Variants in GABRG3 observed in about 807,000 individuals in gnomAD.
GABRG3 encodes the protein gamma-aminobutyric acid receptor subunit gamma-3.
In GABRG3, 25 loss-of-function variants were observed where a neutral mutation model predicts 48.8. The observed-to-expected ratio is 0.51, with a 90% CI of 0.37 to 0.72. The LOEUF (loss-of-function observed/expected upper bound fraction) is 0.72, where lower values mean the gene tolerates loss of function less well. GABRG3 is among the 30% of genes least tolerant of loss of function. The pLI is 0.00. For synonymous variants in GABRG3, 227 were observed against 217.6 expected, an observed-to-expected ratio of 1.04 and a Z score of -0.38; for missense variants, 394 against 577.9, an observed-to-expected ratio of 0.68 and a Z score of 3.26.
At chr15:27,389,068 T>C (rs1254973030) in intron 5 of GABRG3, among the ~76,000 whole-genome samples, 1 of 152,056 alleles carries the variant, frequency 6.6e-6, no homozygotes, top group Non-Finnish European at 1.5e-5. Flanking sequence ...GTCCCACAAA[T>C]CGATACCAAC....
At chr15:27,007,677 G>A (rs1324275247) in intron 2 of GABRG3, among the ~76,000 whole-genome samples, 1 of 152,098 alleles carries the variant, frequency 6.6e-6, no homozygotes, top group East Asian at 1.9e-4. Flanking sequence ...GTGATGTTGA[G>A]CATTTTTTCA....
intron 3 of GABRG3, among the ~76,000 whole-genome samples, chr15:27,090,828 T>C (rs142764121): frequency 2.0e-5 from 3 of 152,196 alleles, no homozygotes; most frequent in Admixed American, 6.5e-5. Flanking sequence ...GCATATGAAA[T>C]TGGTGCAACT....
intron 5 of GABRG3, among the ~76,000 whole-genome samples, chr15:27,335,489 A>G (rs1446506684): frequency 6.6e-6 from 1 of 152,204 alleles, no homozygotes; most frequent in African/African-American, 2.4e-5. Flanking sequence ...TTCCCTAATG[A>G]CTAAGGATGT....
chr15:27,391,100 G>T (rs1303172199), intron 5 of GABRG3, among the ~76,000 whole-genome samples: 1 of 150,624 alleles, frequency 6.6e-6, no homozygotes, highest in East Asian at 1.9e-4. Context: ...AAAAAAAAAA[G>T]ACACAATCCC....
chr15:27,326,705 T>C (rs1595679281), intron 3 of GABRG3, 104 bp from the exon 4 acceptor site: 1 of 855,554 alleles, frequency 1.2e-6, no homozygotes. Context: ...ATTGGGGAGG[T>C]GAGGATGTCA....
chr15:27,508,522 C>G (rs1405873365), intron 6 of GABRG3, among the ~76,000 whole-genome samples: 1 of 152,016 alleles, frequency 6.6e-6, no homozygotes, highest in Non-Finnish European at 1.5e-5. Context: ...CTTTTAAAGT[C>G]AATATTATCA....
intron 3 of GABRG3, among the ~76,000 whole-genome samples, chr15:27,241,414 T>TA (rs1890124033): frequency 6.6e-6 from 1 of 152,230 alleles, no homozygotes; most frequent in Non-Finnish European, 1.5e-5. Flanking sequence ...GTAAAGGACT[T>TA]ACAGCAGCAA....
intron 3 of GABRG3, among the ~76,000 whole-genome samples, chr15:27,077,329 T>G (rs1896926242): frequency 6.6e-6 from 1 of 152,134 alleles, no homozygotes; most frequent in African/African-American, 2.4e-5. Flanking sequence ...AGATGACAAT[T>G]AGGATTACCA....
chr15:26,971,412 C>T lies in GABRG3; in HGVS notation c.-124C>T. On this transcript the variant is annotated 5_prime_UTR_variant, in exon 1 of 10. Transcript: ENST00000615808. ...AGCGCCAGAGTAGATACCTGTCCCG[C>T]CCGCCGCGGCCAGCAGCCTCGGAGG... The T allele has an allele frequency of 1.3e-6, 1 of 742,396 alleles. No homozygotes were observed. Among genetic ancestry groups the T allele is most frequent in the Non-Finnish European group, 1.9e-6 (1 of 515,986 alleles). 46.0% of individuals were successfully genotyped at this position (742,396 alleles called of 1,614,324 possible).
At chr15:27,461,081 A>G (rs539905950) in intron 5 of GABRG3, among the ~76,000 whole-genome samples, 2 of 152,222 alleles carry the variant, frequency 1.3e-5, no homozygotes, top group South Asian at 4.1e-4. Context: ...GTTTTTGCTA[A>G]GATGAACTCA....
intron 3 of GABRG3, among the ~76,000 whole-genome samples, chr15:27,079,354 A>G (rs1306505317): frequency 6.6e-6 from 1 of 152,236 alleles, no homozygotes; most frequent in Non-Finnish European, 1.5e-5. Flanking sequence ...TGGAAGTCAG[A>G]ATACTTTTAA....
intron 3 of GABRG3, among the ~76,000 whole-genome samples, chr15:27,235,623 T>G (rs138156371): frequency 6.6e-6 from 1 of 152,304 alleles, no homozygotes; most frequent in Non-Finnish European, 1.5e-5. Flanking sequence ...TGGGACTGCC[T>G]GTAACCAAAG....
intron 3 of GABRG3, chr15:27,208,751 A>G (rs1254852201): frequency 6.6e-6 from 1 of 152,406 alleles, no homozygotes; most frequent in Non-Finnish European, 1.5e-5. Flanking sequence ...TGCCTGGTAC[A>G]TCATAGGAGA....
intron 3 of GABRG3, among the ~76,000 whole-genome samples, chr15:27,093,561 C>T (rs1414602495): frequency 6.6e-6 from 1 of 152,104 alleles, no homozygotes; most frequent in Non-Finnish European, 1.5e-5. Context: ...AATGTTGATC[C>T]TTCTATTGGA....
intron 3 of GABRG3, among the ~76,000 whole-genome samples, chr15:27,087,297 G>C (rs1259519223): frequency 6.6e-6 from 1 of 152,224 alleles, no homozygotes; most frequent in Non-Finnish European, 1.5e-5. Context: ...AGGGGCCTGA[G>C]TGGAATCCCG....
At chr15:27,356,982 A>G (rs1894862759) in intron 5 of GABRG3, among the ~76,000 whole-genome samples, 1 of 152,070 alleles carries the variant, frequency 6.6e-6, no homozygotes, top group Non-Finnish European at 1.5e-5. Context: ...AATCCTTTCA[A>G]CCTTTTTTGT....
At chr15:27,134,223 A>C (rs1182566984) in intron 3 of GABRG3, among the ~76,000 whole-genome samples, 1 of 152,192 alleles carries the variant, frequency 6.6e-6, no homozygotes, top group Non-Finnish European at 1.5e-5. Context: ...ACCAGGGTTA[A>C]AAATGAATGT....
chr15:27,391,221 A>G (rs1325440319), intron 5 of GABRG3, among the ~76,000 whole-genome samples: 2 of 152,204 alleles, frequency 1.3e-5, no homozygotes, highest in Admixed American at 6.5e-5. Context: ...TATAGGCTTT[A>G]TTATAGTTCT....
intron 5 of GABRG3, among the ~76,000 whole-genome samples, chr15:27,440,686 A>C (rs1165650233): frequency 6.6e-6 from 1 of 152,212 alleles, no homozygotes; most frequent in East Asian, 1.9e-4. Context: ...TGCATTTGTA[A>C]TATTCCTTCT....
Sources: allele counts gnomAD v4.1 joint callset (sites outside exome capture counted in the v4.1 genomes callset), GRCh38; gene constraint gnomAD v4.1.1; transcripts MANE v1.5; gene names NCBI Gene and HGNC (gene_info 2026-07-23, HGNC 2026-07-21).